Variants in DMAC2L observed in about 807,000 individuals in gnomAD.
DMAC2L encodes the protein ATP synthase subunit s, mitochondrial.
Under a neutral mutation model 22.5 loss-of-function variants are expected in DMAC2L, and 21 were observed. The ratio of observed to expected loss-of-function variants is 0.93; its 90% CI spans 0.66 to 1.34. The LOEUF (loss-of-function observed/expected upper bound fraction) is 1.34. Among genes scored for constraint, DMAC2L ranks in the 40% most tolerant of loss-of-function variants. The probability of loss-of-function intolerance (pLI) is 0.00; values close to 1 mark genes in which losing one functional copy is unlikely to be tolerated. For synonymous variants in DMAC2L, 86 were observed against 89.5 expected (o/e 0.96, Z 0.22); for missense variants, 239 against 246.5 (o/e 0.97, Z 0.20).
intron 2 of DMAC2L, among the ~76,000 whole-genome samples, chr14:50,315,939 C>T (rs1595186442): frequency 1.3e-5 from 2 of 152,140 alleles, no homozygotes; most frequent in South Asian, 2.1e-4. Context: ...TGGAATTGCT[C>T]GATCAAATGG....
At chr14:50,322,381 C>A in intron 3 of DMAC2L, 130 bp from the exon 4 acceptor site, 5 of 922,362 alleles carry the variant, frequency 5.4e-6, no homozygotes, top group Admixed American at 4.3e-5. Flanking sequence ...ATGGATCTCA[C>A]TAATTTATCT....
chr14:50,312,990 T>G (rs1353836066), intron 1 of DMAC2L: 12 of 1,614,160 alleles, frequency 7.4e-6, no homozygotes, highest in Non-Finnish European at 1.0e-5. Context: ...TGTGTCCTTT[T>G]CTTGAGTACT....
At chr14:50,322,360 GT>G (rs11357954) in intron 3 of DMAC2L, 150 bp from the exon 4 acceptor site, 458,813 of 826,840 alleles carry the variant, frequency 0.55, 131,593 homozygotes, top group East Asian at 0.6. Flanking sequence ...TTTTGTTTTT[GT>G]TTTTTTTGCA....
chr14:50,317,880 G>A (rs2031945808), intron 2 of DMAC2L, among the ~76,000 whole-genome samples: 1 of 152,152 alleles, frequency 6.6e-6, no homozygotes, highest in South Asian at 2.1e-4. Flanking sequence ...TTGGCTGTGG[G>A]TTTGTCATAG....
chr14:50,323,550 C>T (rs140310492), intron 4 of DMAC2L, among the ~76,000 whole-genome samples: 25 of 152,092 alleles, frequency 1.6e-4, no homozygotes, highest in African/African-American at 5.8e-4. Flanking sequence ...TGCACTACCA[C>T]GCCAGGGTAA....
Position 50,325,833 on chromosome 14 carries a change from T to A in DMAC2L, c.*110T>A. On this transcript the variant is annotated 3_prime_UTR_variant, in exon 6 of 6. Transcript: ENST00000557421. ...ATTATAAGGATGCCATATCATGACA[T>A]TTTAGAAGTGGAGAGTGCATCATAT... The A allele has an allele frequency of 6.9e-7, 1 of 1,443,628 alleles. No homozygotes were observed. Among genetic ancestry groups the A allele is most frequent in the Non-Finnish European group, 9.1e-7 (1 of 1,100,378 alleles). The allele number at this position is 1,443,628 out of a possible 1,614,324, so 89.4% of individuals were successfully genotyped here.
chr14:50,311,748 G>T (rs1425548767), upstream of DMAC2L, among the ~76,000 whole-genome samples: 1 of 152,194 alleles, frequency 6.6e-6, no homozygotes, highest in Non-Finnish European at 1.5e-5. Context: ...AACTAGCCCA[G>T]AGTTCAACAG....
At chr14:50,316,576 T>C (rs1341006299) in intron 2 of DMAC2L, among the ~76,000 whole-genome samples, 3 of 152,218 alleles carry the variant, frequency 2.0e-5, no homozygotes, top group African/African-American at 4.8e-5. Context: ...TTGTATAAGG[T>C]GAGAGATGAG....
chr14:50,312,221 C>G, upstream of DMAC2L: 1 of 1,577,130 alleles, frequency 6.3e-7, no homozygotes, highest in East Asian at 2.3e-5. Context: ...AGGACCCGCG[C>G]TCTTTAGCCC....
In DMAC2L at chr14:50,321,299, A is replaced by AT. The variant is rs36121692; in HGVS notation, c.-5-177dup. ...TAGACACCATCCAGTCCAACCCCTC[A>AT]TTTTTTTGCAGCAAACAAATAAAAA... On this transcript the variant is annotated intron_variant, in intron 2 of 5. Coordinates refer to ENST00000557421, the MANE Select transcript of DMAC2L (RefSeq NM_001382507.1). The AT allele has an allele frequency of 1.3e-4, 162 of 1,226,176 alleles. No homozygotes were observed. The African/African-American group carries it at 2.1e-3, about 16-fold the overall frequency. The allele number at this position is 1,226,176 out of a possible 1,614,324, so 76.0% of individuals were successfully genotyped here. A position where few individuals can be genotyped will look rare whatever the true frequency, so the allele number is the denominator to read the frequency against.
rs1020170437 is a variant in DMAC2L, at chr14:50,326,382, A to G, written c.*659A>G. 1 of 919,362 alleles carries G rather than the reference A, an allele frequency of 1.1e-6. No homozygotes were observed. Among genetic ancestry groups the G allele is most frequent in the Admixed American group, 6.2e-5 (1 of 16,148 alleles). 57.0% of individuals were successfully genotyped at this position (919,362 alleles called of 1,614,324 possible). On this transcript the variant is annotated 3_prime_UTR_variant, in exon 6 of 6. Coordinates refer to ENST00000557421, the MANE Select transcript of DMAC2L (RefSeq NM_001382507.1). ...TGTTTTTATTATAACAGTAATTTAC[A>G]TTTAACTTTAAAGTTAGTGAAGCAT...
In DMAC2L at chr14:50,325,768, G is replaced by C. The variant is rs755299956; in HGVS notation, c.*45G>C. Reference sequence around the variant, plus strand: ...GTATAAAGGATCATTTGAAACTGTTGATTCCAAACATCAACTAATATTATA... The same window carrying C: ...GTATAAAGGATCATTTGAAACTGTTCATTCCAAACATCAACTAATATTATA... On this transcript the variant is annotated 3_prime_UTR_variant, in exon 6 of 6. Coordinates refer to ENST00000557421, the MANE Select transcript of DMAC2L (RefSeq NM_001382507.1). 4.4e-6 allele frequency: 7 copies of C among 1,578,134 alleles called. No homozygotes were observed. Among genetic ancestry groups the C allele is most frequent in the Middle Eastern group, 3.4e-4 (2 of 5,888 alleles).
rs1304591695 is a variant in DMAC2L at position 50,325,699 on chromosome 14, G to T, written c.579G>T (p.Leu193=). The change falls in exon 6 of 6, where the codon CTG becomes CTT. Residue 193 remains leucine (L), a synonymous_variant. Coordinates refer to ENST00000557421, the MANE Select transcript of DMAC2L (RefSeq NM_001382507.1). ...CCTTTAAGACAGCACTGCCTTCTCT[G>T]GAACTAAAATTACAATTGAAGTAAA... ...VQAFKTALPS[L]ELKLQLK 1 of 1,611,498 alleles carries T rather than the reference G, an allele frequency of 6.2e-7. No homozygotes were observed. The highest frequency in any genetic ancestry group is 2.2e-5 in the East Asian group (1 of 44,724).
intron 4 of DMAC2L, among the ~76,000 whole-genome samples, chr14:50,323,629 G>A (rs575712789): frequency 1.1e-4 from 16 of 148,980 alleles, no homozygotes; most frequent in Admixed American, 2.0e-4. Flanking sequence ...CCCGACCTCA[G>A]GTGATCCACC....
At chr14:50,321,662 G>A in intron 3 of DMAC2L, 68 bp downstream of exon 3, 1 of 1,172,600 alleles carries the variant, frequency 8.5e-7, no homozygotes, top group South Asian at 1.3e-5. Context: ...CCAATAGCTT[G>A]TTTGGCTATT....
chr14:50,323,899 A>T, intron 4 of DMAC2L, 46 bp from the exon 5 acceptor site: 3 of 1,511,572 alleles, frequency 2.0e-6, no homozygotes, highest in Non-Finnish European at 2.7e-6. Flanking sequence ...ACAGTTTGTC[A>T]TCTTAGTGGT....
At chr14:50,313,302 G>T (rs1165571022) in intron 1 of DMAC2L, among the ~76,000 whole-genome samples, 2 of 152,130 alleles carry the variant, frequency 1.3e-5, no homozygotes, top group Non-Finnish European at 2.9e-5. Context: ...TCTTTGGTCA[G>T]GTAGCTCCAG....
upstream of DMAC2L, chr14:50,311,861 A>G (rs1385647110): frequency 9.7e-7 from 1 of 1,034,170 alleles, no homozygotes; most frequent in African/African-American, 1.6e-5. Flanking sequence ...GCAGGTTGGT[A>G]GCTCCTGGGA....
intron 1 of DMAC2L, among the ~76,000 whole-genome samples, chr14:50,314,210 G>A (rs1419308921): frequency 3.3e-5 from 5 of 152,198 alleles, no homozygotes; most frequent in Non-Finnish European, 7.3e-5. Context: ...GAATTATGGA[G>A]GCAGGTCCTT....
Sources: allele counts gnomAD v4.1 joint callset (sites outside exome capture counted in the v4.1 genomes callset), GRCh38; gene constraint gnomAD v4.1.1; transcripts MANE v1.5; gene names NCBI Gene and HGNC (gene_info 2026-07-23, HGNC 2026-07-21).